The following ICA1L variants were observed in gnomAD, a reference collection of about 807,000 sequenced individuals.
ICA1L encodes islet cell autoantigen 1 like, also known as islet cell autoantigen 1-like protein.
In ICA1L, 50 loss-of-function variants were observed where a neutral mutation model predicts 61.3. The observed-to-expected ratio is 0.82, with a 90% CI of 0.65 to 1.03. ICA1L has a LOEUF of 1.03. ICA1L is among the 50% of genes least tolerant of loss of function. The pLI, the probability that ICA1L is intolerant of heterozygous loss-of-function variation, is 0.00. For synonymous variants in ICA1L, 161 were observed against 191.3 expected, an observed-to-expected ratio of 0.84 and a Z score of 1.31; for missense variants, 508 against 556.7, an observed-to-expected ratio of 0.91 and a Z score of 0.88.
intron 1 of ICA1L, chr2:202,871,373 G>A (rs60609531): frequency 0.059 from 8,916 of 152,210 alleles, 502 homozygotes; most frequent in African/African-American, 0.14. Flanking sequence ...GGTTTTGCCT[G>A]GGGGGAGGCC....
intron 10 of ICA1L, among the ~76,000 whole-genome samples, chr2:202,793,677 TAA>T (rs373036200): frequency 3.0e-5 from 4 of 133,900 alleles, no homozygotes; most frequent in Admixed American, 7.6e-5. Flanking sequence ...AGACTCCATC[TAA>T]AAAAAAAAAG....
At chr2:202,801,756 C>T (rs1006975532) in intron 9 of ICA1L, among the ~76,000 whole-genome samples, 1 of 152,180 alleles carries the variant, frequency 6.6e-6, no homozygotes, top group African/African-American at 2.4e-5. Flanking sequence ...TGTGCTGACA[C>T]GGCCAGACAA....
At chr2:202,845,487 C>T (rs1475392635) in intron 1 of ICA1L, among the ~76,000 whole-genome samples, 5 of 151,970 alleles carry the variant, frequency 3.3e-5, no homozygotes, top group African/African-American at 7.3e-5. Context: ...ATAAGCTGGG[C>T]GTGGTGGCAG....
At chr2:202,853,124 C>T (rs200839183) in intron 1 of ICA1L, among the ~76,000 whole-genome samples, 21 of 151,868 alleles carry the variant, frequency 1.4e-4, no homozygotes, top group African/African-American at 3.1e-4. Flanking sequence ...TTTGGGAGGC[C>T]GAGGCAGGTG....
chr2:202,780,912 T>G (rs1692382512), intron 12 of ICA1L, among the ~76,000 whole-genome samples: 1 of 152,136 alleles, frequency 6.6e-6, no homozygotes, highest in African/African-American at 2.4e-5. Context: ...AGTAACCATA[T>G]GATTCATCAT....
At chr2:202,837,277 T>C (rs1694179656) in intron 1 of ICA1L, among the ~76,000 whole-genome samples, 4 of 151,854 alleles carry the variant, frequency 2.6e-5, no homozygotes, top group Admixed American at 2.6e-4. Flanking sequence ...CAATTTTCCG[T>C]TGTTGTTTTT....
chr2:202,814,593 G>A (rs1308600536), intron 8 of ICA1L, 109 bp downstream of exon 8: 7 of 727,482 alleles, frequency 9.6e-6, no homozygotes, highest in Non-Finnish European at 1.4e-5. Flanking sequence ...TTGGAAAAAT[G>A]ACATAGGAAT....
In ICA1L at chr2:202,775,363, A is replaced by C. The variant is rs1198926640; in HGVS notation, c.*4170T>G. 6.6e-6 allele frequency: 1 copy of C among 152,216 alleles called. No individual in the cohort carries two copies. The highest frequency in any genetic ancestry group is 1.5e-5 in the Non-Finnish European group (1 of 68,046). The allele number at this position is 152,216 out of a possible 1,614,324, so 9.4% of individuals were successfully genotyped here. On this transcript the variant is annotated 3_prime_UTR_variant, in exon 13 of 13. Coordinates refer to ENST00000358299, the MANE Select transcript of ICA1L (RefSeq NM_001288622.3). The stretch of plus-strand genomic sequence containing the variant: ...ATTCCTGCCTTCAATAAGTCAGGTT[A>C]CATACTATGGCTTATATTTAATTGT...
At chr2:202,800,518 C>T (rs1693061640) in intron 9 of ICA1L, among the ~76,000 whole-genome samples, 1 of 152,092 alleles carries the variant, frequency 6.6e-6, no homozygotes, top group Non-Finnish European at 1.5e-5. Flanking sequence ...TCTAATACTC[C>T]AGTCTGTATA....
chr2:202,837,828 T>C (rs1234022062), intron 1 of ICA1L, among the ~76,000 whole-genome samples: 3 of 152,136 alleles, frequency 2.0e-5, no homozygotes, highest in Non-Finnish European at 2.9e-5. Context: ...TGGGATATTG[T>C]ATTTCCATTT....
At chr2:202,786,849 G>T (rs1394496791) in intron 11 of ICA1L, 1 of 401,466 alleles carries the variant, frequency 2.5e-6, no homozygotes, top group African/African-American at 2.1e-5. Flanking sequence ...ACAGTACTTT[G>T]TAATTAAAAT....
At position 202,817,470 on chromosome 2, in the gene ICA1L, A is replaced by C. The variant is rs1693569510; in HGVS notation, c.632T>G (p.Leu211Ter). The change falls in exon 6 of 13, where the codon TTA becomes TGA. Residue 211 changes from leucine to a stop codon, truncating the protein, a stop_gained. Coordinates refer to ENST00000358299, the MANE Select transcript of ICA1L (RefSeq NM_001288622.3). LOFTEE classifies it high-confidence loss of function. ...CATATTGCAGCGACTAGCTCCAAGTAAATCCACTTTCTGACAAACATCCAT... is the reference window on the plus strand; with the variant it reads ...CATATTGCAGCGACTAGCTCCAAGTCAATCCACTTTCTGACAAACATCCAT... ...LKMDVCQKVD[L>*]LGASRCNMLS... 4 of 1,612,088 alleles carry C rather than the reference A, an allele frequency of 2.5e-6. No individual in the cohort carries two copies. The East Asian group carries it at 8.9e-5, about 36-fold the overall frequency.
intron 9 of ICA1L, among the ~76,000 whole-genome samples, chr2:202,799,981 G>T (rs1481323093): frequency 6.6e-6 from 1 of 151,128 alleles, no homozygotes; most frequent in African/African-American, 2.4e-5. Flanking sequence ...AGGTTTAAGC[G>T]ATTCTCCTGC....
intron 12 of ICA1L, among the ~76,000 whole-genome samples, chr2:202,784,316 A>C (rs897690091): frequency 6.6e-6 from 1 of 152,148 alleles, no homozygotes; most frequent in Non-Finnish European, 1.5e-5. Context: ...GTGGTGGTAC[A>C]TGTCTGTAGA....
chr2:202,795,817 C>T (rs1692907617), intron 10 of ICA1L, among the ~76,000 whole-genome samples: 1 of 151,904 alleles, frequency 6.6e-6, no homozygotes, highest in Admixed American at 6.6e-5. Flanking sequence ...CTGAGGTGGG[C>T]AGATCACTTG....
In ICA1L at chr2:202,774,978, C is replaced by G. The variant is rs946704866; in HGVS notation, c.*4555G>C. ...TAATTTACACCACTGAGTGAAGAAC[C>G]ATGTTTTGACTTTAAATGCCAAGGA... On this transcript the variant is annotated 3_prime_UTR_variant, in exon 13 of 13. Coordinates refer to ENST00000358299, the MANE Select transcript of ICA1L (RefSeq NM_001288622.3). 4 of 152,172 alleles carry G rather than the reference C, an allele frequency of 2.6e-5. No individual in the cohort carries two copies. Among genetic ancestry groups the G allele is most frequent in the African/African-American group, 9.7e-5 (4 of 41,432 alleles). The allele number at this position is 152,172 out of a possible 1,614,324, so 9.4% of individuals were successfully genotyped here.
At chr2:202,832,142 CAAGTT>C (rs1220191862) in intron 1 of ICA1L, among the ~76,000 whole-genome samples, 4 of 152,152 alleles carry the variant, frequency 2.6e-5, no homozygotes, top group Admixed American at 2.6e-4. Flanking sequence ...TGAGTTCAGT[CAAGTT>C]AACTGGCTTC....
intron 1 of ICA1L, among the ~76,000 whole-genome samples, chr2:202,851,262 T>C (rs1694611588): frequency 6.6e-6 from 1 of 151,768 alleles, no homozygotes; most frequent in African/African-American, 2.4e-5. Flanking sequence ...ACATGCAGTG[T>C]TTGTTTTTTT....
At chr2:202,829,058 T>C in intron 1 of ICA1L, 42 bp from the exon 2 acceptor site, 3 of 1,492,166 alleles carry the variant, frequency 2.0e-6, no homozygotes, top group Non-Finnish European at 2.7e-6. Context: ...TTAAAAATTC[T>C]CAATAATAGG....
Sources: allele counts gnomAD v4.1 joint callset (sites outside exome capture counted in the v4.1 genomes callset), GRCh38; gene constraint gnomAD v4.1.1; transcripts MANE v1.5; gene names NCBI Gene and HGNC (gene_info 2026-07-23, HGNC 2026-07-21).